Variants in ABHD2 observed in about 807,000 individuals in gnomAD.
ABHD2 encodes monoacylglycerol lipase ABHD2.
Under a neutral mutation model 48.1 loss-of-function variants are expected in ABHD2, and 20 were observed. The observed-to-expected ratio is 0.42, with a 90% CI of 0.29 to 0.60. The LOEUF is 0.60. ABHD2 is among the 20% of genes least tolerant of loss of function. ABHD2 has a pLI of 0.24. For synonymous variants in ABHD2, 209 were observed against 214.2 expected, an observed-to-expected ratio of 0.98 and a Z score of 0.21; for missense variants, 405 against 550.9, an observed-to-expected ratio of 0.74 and a Z score of 2.65.
intron 1 of ABHD2, among the ~76,000 whole-genome samples, chr15:89,108,382 G>A (rs2049820772): frequency 1.3e-5 from 2 of 152,136 alleles, no homozygotes; most frequent in African/African-American, 2.4e-5. Flanking sequence ...CTCTGTATCT[G>A]TGTCTTTGTA....
At position 89,188,142 on chromosome 15, in the gene ABHD2, G is replaced by A; in HGVS notation, c.816-51G>A. Reference sequence around the variant, plus strand: ...TGGCAAGGAAGCAGGCTATGCCATGGTTGTTCATCCTCCACATCTTAATCT... The same window carrying A: ...TGGCAAGGAAGCAGGCTATGCCATGATTGTTCATCCTCCACATCTTAATCT... On this transcript the variant is annotated intron_variant, in intron 7 of 10. Coordinates refer to ENST00000352732, the MANE Select transcript of ABHD2 (RefSeq NM_152924.5). This position sits in a 1 kb window ranked among gnomAD's most constrained non-coding sequence, Gnocchi z 4.1. 1 of 1,533,596 alleles carries A rather than the reference G, an allele frequency of 6.5e-7. No homozygotes were observed. Among genetic ancestry groups the A allele is most frequent in the South Asian group, 1.1e-5 (1 of 88,988 alleles). 95.0% of individuals were successfully genotyped at this position (1,533,596 alleles called of 1,614,324 possible).
chr15:89,139,370 T>A (rs747826158), intron 3 of ABHD2, among the ~76,000 whole-genome samples: 2 of 152,104 alleles, frequency 1.3e-5, no homozygotes, highest in Non-Finnish European at 2.9e-5. Context: ...CTCCCCATAG[T>A]ATCATCCTAT....
the ABHD2 span, among the ~76,000 whole-genome samples, chr15:89,067,372 T>G: frequency 2.6e-5 from 4 of 152,232 alleles, no homozygotes; most frequent in Non-Finnish European, 5.9e-5. Context: ...AAACATGTTC[T>G]TCTAGTTTAA....
intron 9 of ABHD2, among the ~76,000 whole-genome samples, 158 bp downstream of exon 9, chr15:89,191,307 C>G (rs917906270): frequency 6.6e-6 from 1 of 152,172 alleles, no homozygotes; most frequent in Non-Finnish European, 1.5e-5. Context: ...CAGGCTCTGT[C>G]CCTCTGTAAC....
chr15:89,170,633 C>T (rs1331938748), intron 5 of ABHD2, among the ~76,000 whole-genome samples: 1 of 152,164 alleles, frequency 6.6e-6, no homozygotes, highest in African/African-American at 2.4e-5. Context: ...CTTCCAAGGC[C>T]TATACCAATG....
Position 89,200,658 on chromosome 15 carries a change from C to T in ABHD2, c.*5235C>T. ...GGCAAAGCCTGTATGACGCTGTACA[C>T]ACACAAAAAAATGGTCACCGCAGGC... On this transcript the variant is annotated 3_prime_UTR_variant, in exon 11 of 11. Transcript: ENST00000352732. 1 of 196,000 alleles carries T rather than the reference C, an allele frequency of 5.1e-6. No individual in the cohort carries two copies. Among genetic ancestry groups the T allele is most frequent in the East Asian group, 1.2e-4 (1 of 8,512 alleles). The allele number at this position is 196,000 out of a possible 1,614,324, so 12.1% of individuals were successfully genotyped here.
the ABHD2 span, among the ~76,000 whole-genome samples, chr15:89,049,474 G>C: frequency 6.6e-6 from 1 of 152,202 alleles, no homozygotes; most frequent in Non-Finnish European, 1.5e-5. Context: ...AATGGCGGGC[G>C]CCCCTCCCCC....
intron 3 of ABHD2, among the ~76,000 whole-genome samples, chr15:89,127,372 C>T (rs550738044): frequency 2.6e-5 from 4 of 152,126 alleles, no homozygotes; most frequent in African/African-American, 9.6e-5. Flanking sequence ...GTGGTTGATC[C>T]AGAACCATCT....
At chr15:89,049,659 G>C in the ABHD2 span, among the ~76,000 whole-genome samples, 1 of 152,196 alleles carries the variant, frequency 6.6e-6, no homozygotes, top group African/African-American at 2.4e-5. Context: ...TTTCCAGGTG[G>C]CTTCTGTCAC....
chr15:89,122,792 CT>C (rs998153588), intron 3 of ABHD2, among the ~76,000 whole-genome samples: 4 of 152,312 alleles, frequency 2.6e-5, no homozygotes, highest in African/African-American at 7.2e-5. Context: ...CAGGCTGCTG[CT>C]TTTTCACTCG....
At chr15:89,113,138 G>T (rs1200880882) in intron 1 of ABHD2, among the ~76,000 whole-genome samples, 1 of 152,144 alleles carries the variant, frequency 6.6e-6, no homozygotes, top group Non-Finnish European at 1.5e-5. Flanking sequence ...AGCACTTTTA[G>T]CTTCTGGCGC....
At position 89,193,311 on chromosome 15, in the gene ABHD2, C is replaced by A. The variant is rs200904331; in HGVS notation, c.1073C>A (p.Ser358Tyr). 1 of 1,614,064 alleles carries A rather than the reference C, an allele frequency of 6.2e-7. No homozygotes were observed. Among genetic ancestry groups the A allele is most frequent in the Admixed American group, 1.7e-5 (1 of 60,030 alleles). Residue 358 changes from serine to tyrosine, a missense_variant, in exon 10 of 11, where the codon TCT becomes TAT. Ser to Tyr is a moderately radical substitution (Grantham distance 144, BLOSUM62 -2). Coordinates refer to ENST00000352732, the MANE Select transcript of ABHD2 (RefSeq NM_152924.5). ...VHESLLTIPK[S>Y]LSEKRENVMF... Reference sequence around the variant, plus strand: ...GAAAGTCTTCTAACCATTCCAAAATCTCTTTCAGGTAAGTGTTTCTTCCTG... The same window carrying A: ...GAAAGTCTTCTAACCATTCCAAAATATCTTTCAGGTAAGTGTTTCTTCCTG...
At chr15:89,163,799 A>G (rs1289491004) in intron 5 of ABHD2, among the ~76,000 whole-genome samples, 1 of 152,190 alleles carries the variant, frequency 6.6e-6, no homozygotes, top group East Asian at 1.9e-4. Flanking sequence ...ACTTTGTAGG[A>G]TATATTAAAT....
chr15:89,184,521 C>G lies in ABHD2; in HGVS notation c.723-903C>G, dbSNP rs116134561. Among the ~76,000 whole-genome samples the G allele has an allele frequency of 7.8e-3, 1,183 of 152,208 alleles. 16 individuals are homozygous for G. Among genetic ancestry groups the G allele is most frequent in the African/African-American group, 0.027 (1,129 of 41,504 alleles). ...GTGTCCGCCTGCGTTTGGATTCACG[C>G]CCAAGGGAGGAGAGCAGTGAGTGGG... is the stretch of plus-strand genomic sequence containing the variant. On this transcript the variant is annotated intron_variant, in intron 6 of 10. Transcript: ENST00000352732. The surrounding 1 kb of genome is among the most constrained non-coding windows in gnomAD (Gnocchi z 5.1).
At chr15:89,096,877 GT>G (rs1285589850) in intron 1 of ABHD2, among the ~76,000 whole-genome samples, 1 of 152,114 alleles carries the variant, frequency 6.6e-6, no homozygotes, top group Non-Finnish European at 1.5e-5. Flanking sequence ...GTTTCTTTTT[GT>G]TTGTTTATTT....
chr15:89,127,621 C>T (rs2050149121), intron 3 of ABHD2, among the ~76,000 whole-genome samples: 1 of 150,740 alleles, frequency 6.6e-6, no homozygotes, highest in Non-Finnish European at 1.5e-5. Context: ...AAAATGTTGA[C>T]ACCTGCCAAG....
At chr15:89,062,882 A>T in the ABHD2 span, among the ~76,000 whole-genome samples, 1 of 151,256 alleles carries the variant, frequency 6.6e-6, no homozygotes, top group African/African-American at 2.4e-5. Context: ...CATTACTTTT[A>T]TTGGAGAATA....
intron 10 of ABHD2, among the ~76,000 whole-genome samples, chr15:89,193,637 A>G (rs910800210): frequency 3.9e-5 from 6 of 152,142 alleles, no homozygotes; most frequent in Admixed American, 3.9e-4. Context: ...TGAAAGTTTG[A>G]CATAAAGAGA....
In ABHD2 at chr15:89,173,076, T is replaced by G. The variant is rs1318471301; in HGVS notation, c.539-2736T>G. ...TTTAAGGCCTGGTTTTCAGTGCCTGTTATGGCCCAAGGGAGGTGAACAAAT... is the reference window on the plus strand; with the variant it reads ...TTTAAGGCCTGGTTTTCAGTGCCTGGTATGGCCCAAGGGAGGTGAACAAAT... On this transcript the variant is annotated intron_variant, in intron 5 of 10. Coordinates refer to ENST00000352732, the MANE Select transcript of ABHD2 (RefSeq NM_152924.5). The surrounding 1 kb of genome is among the most constrained non-coding windows in gnomAD (Gnocchi z 6.5). 1.3e-5 allele frequency among the ~76,000 whole-genome samples: 2 copies of G among 152,242 alleles called. No homozygotes were observed. The highest frequency in any genetic ancestry group is 2.9e-5 in the Non-Finnish European group (2 of 68,044).
Sources: gnomAD v4.1 joint callset for allele counts (sites outside exome capture counted in the v4.1 genomes callset) on GRCh38, gnomAD v4.1.1 for gene constraint, Gnocchi (gnomAD v3.1) non-coding constraint, MANE v1.5 for transcripts, NCBI Gene and HGNC (gene_info 2026-07-23, HGNC 2026-07-21) for gene names.